The following LARS2 variants were observed in gnomAD, a reference collection of about 807,000 sequenced individuals.
LARS2 encodes leucine--tRNA ligase, mitochondrial.
LARS2 carries 81 observed loss-of-function variants against 116.6 expected under a neutral mutation model. The observed-to-expected ratio is 0.69, with a 90% CI of 0.58 to 0.84. LARS2 has a LOEUF of 0.84. Among genes scored for constraint, LARS2 ranks in the 40% least tolerant of loss-of-function variants. LARS2 has a pLI of 0.00. For synonymous variants in LARS2, 396 were observed against 407.2 expected (o/e 0.97, Z 0.33); for missense variants, 968 against 1,114.5 (o/e 0.87, Z 1.87).
chr3:45,504,817 C>T (rs1311150455), intron 15 of LARS2, among the ~76,000 whole-genome samples: 2 of 151,150 alleles, frequency 1.3e-5, no homozygotes, highest in Non-Finnish European at 3.0e-5. Context: ...TGATGGCTCA[C>T]ACCTGTAATC....
chr3:45,443,683 T>C (rs982971138), intron 6 of LARS2, among the ~76,000 whole-genome samples: 2 of 152,172 alleles, frequency 1.3e-5, no homozygotes, highest in African/African-American at 2.4e-5. Context: ...ACGGAACTTA[T>C]GAGTGCTGTG....
intron 15 of LARS2, among the ~76,000 whole-genome samples, chr3:45,508,385 CCTT>C (rs1700229867): frequency 6.6e-6 from 1 of 152,204 alleles, no homozygotes; most frequent in African/African-American, 2.4e-5. Context: ...AGTAAACCCT[CCTT>C]CTGCGCCACT....
chr3:45,545,038 G>T (rs1700856372), intron 21 of LARS2, among the ~76,000 whole-genome samples: 1 of 152,314 alleles, frequency 6.6e-6, no homozygotes, highest in South Asian at 2.1e-4. Context: ...AGAGAGAGGG[G>T]CTGTGTCAGG....
chr3:45,503,679 AGTT>A (rs1700156109), intron 15 of LARS2, among the ~76,000 whole-genome samples: 1 of 149,680 alleles, frequency 6.7e-6, no homozygotes, highest in Admixed American at 6.6e-5. Flanking sequence ...TTTTTTTTTC[AGTT>A]GTTGTTATGT....
Position 45,524,010 on chromosome 3 carries a change from G to A in LARS2, c.2306G>A (p.Ser769Asn), listed in dbSNP as rs551442373. Residue 769 changes from serine to asparagine, a missense_variant, in exon 20 of 22, where the codon AGC becomes AAC. Physicochemically the swap from Ser to Asn is conservative, Grantham distance 46. Coordinates refer to ENST00000645846, the MANE Select transcript of LARS2 (RefSeq NM_015340.4). ...LSNALSQASQ[S>N]VILHSPEFED... Reference sequence around the variant, plus strand: ...CCTCTTCCTTAGCAAGCCTCTCAGAGCGTCATTCTCCACAGCCCCGAGTTT... The same window carrying A: ...CCTCTTCCTTAGCAAGCCTCTCAGAACGTCATTCTCCACAGCCCCGAGTTT... The A allele has an allele frequency of 3.1e-6, 5 of 1,613,708 alleles. No homozygotes were observed. The highest frequency in any genetic ancestry group is 4.2e-6 in the Non-Finnish European group (5 of 1,179,772).
chr3:45,510,406 C>T (rs12633889), intron 15 of LARS2, among the ~76,000 whole-genome samples: 41,401 of 151,792 alleles, frequency 0.27, 6,183 homozygotes, highest in Middle Eastern at 0.4. Flanking sequence ...AGAACAAGAC[C>T]CTGTCTCAAA....
intron 6 of LARS2, among the ~76,000 whole-genome samples, chr3:45,437,148 A>C (rs1351636317): frequency 6.6e-6 from 1 of 152,226 alleles, no homozygotes; most frequent in Non-Finnish European, 1.5e-5. Flanking sequence ...AAGAGCACTT[A>C]ATTAGAACAT....
chr3:45,438,973 C>T (rs988201977), intron 6 of LARS2, among the ~76,000 whole-genome samples: 1 of 152,094 alleles, frequency 6.6e-6, no homozygotes, highest in Non-Finnish European at 1.5e-5. Flanking sequence ...AGGGCTAATT[C>T]AGACTCAAAG....
intron 6 of LARS2, among the ~76,000 whole-genome samples, chr3:45,439,238 T>G (rs954830972): frequency 2.8e-5 from 3 of 107,394 alleles, no homozygotes; most frequent in Non-Finnish European, 4.0e-5. Flanking sequence ...TTTTTTTTTT[T>G]TGAGACAGTG....
In LARS2 at chr3:45,523,762, C is replaced by A. The variant is rs9857440; in HGVS notation, c.2293-235C>A. On this transcript the variant is annotated intron_variant, in intron 19 of 21. Coordinates refer to ENST00000645846, the MANE Select transcript of LARS2 (RefSeq NM_015340.4). The stretch of plus-strand genomic sequence containing the variant: ...ATAGTGCCCAGGCTGGTCTCAAATT[C>A]TTGGCCTCCCAAAGTAGTGGGAGTA... Among the ~76,000 whole-genome samples, 2,681 of 151,744 alleles carry A rather than the reference C, an allele frequency of 0.018. 66 individuals are homozygous for A. Among genetic ancestry groups the A allele is most frequent in the African/African-American group, 0.058 (2,389 of 41,312 alleles).
In LARS2 at chr3:45,447,108, A is replaced by G. The variant is rs1559472282; in HGVS notation, c.606+128A>G. ...GTCACAGCAGACCCAGAACGTAACT[A>G]CTTCCTACTTAAGTTTAGTGTCATC... On this transcript the variant is annotated intron_variant, in intron 7 of 21. Transcript: ENST00000645846. 19 of 566,982 alleles carry G rather than the reference A, an allele frequency of 3.4e-5. No individual in the cohort carries two copies. The South Asian group carries it at 4.1e-4, about 12-fold the overall frequency. 35.1% of individuals were successfully genotyped at this position (566,982 alleles called of 1,614,324 possible).
chr3:45,455,884 A>C (rs569783366), intron 7 of LARS2, among the ~76,000 whole-genome samples: 2 of 152,274 alleles, frequency 1.3e-5, no homozygotes, highest in East Asian at 3.9e-4. Context: ...TAAATGAAAT[A>C]ATCCAGGCAC....
At chr3:45,545,521 C>T (rs908528036) in intron 21 of LARS2, among the ~76,000 whole-genome samples, 2 of 152,222 alleles carry the variant, frequency 1.3e-5, no homozygotes, top group Non-Finnish European at 2.9e-5. Context: ...ATGCCAGAGA[C>T]AGGGGGAGCA....
intron 12 of LARS2, among the ~76,000 whole-genome samples, chr3:45,490,775 C>T (rs1165510904): frequency 2.6e-5 from 4 of 152,146 alleles, no homozygotes; most frequent in South Asian, 2.1e-4. Context: ...CGAGGGTACC[C>T]GCAATCCAGG....
At chr3:45,480,249 G>A (rs1452676327) in intron 10 of LARS2, among the ~76,000 whole-genome samples, 1 of 152,208 alleles carries the variant, frequency 6.6e-6, no homozygotes, top group Non-Finnish European at 1.5e-5. Context: ...AACCTTTGCT[G>A]TGCTAATGTG....
chr3:45,463,811 T>A (rs1203407650), intron 8 of LARS2, among the ~76,000 whole-genome samples: 3 of 152,038 alleles, frequency 2.0e-5, no homozygotes, highest in Non-Finnish European at 4.4e-5. Flanking sequence ...ACATGAGCTG[T>A]CACATCTCCT....
At chr3:45,486,349 G>A (rs1473757734) in intron 11 of LARS2, among the ~76,000 whole-genome samples, 3 of 152,188 alleles carry the variant, frequency 2.0e-5, no homozygotes, top group Admixed American at 6.5e-5. Context: ...TAAATTGGAT[G>A]TCCTTGGCAG....
At chr3:45,468,874 G>T (rs1175154909) in intron 8 of LARS2, among the ~76,000 whole-genome samples, 1 of 152,152 alleles carries the variant, frequency 6.6e-6, no homozygotes, top group Non-Finnish European at 1.5e-5. Flanking sequence ...TACCTAGAAA[G>T]CACATCCCTC....
intron 6 of LARS2, among the ~76,000 whole-genome samples, chr3:45,432,969 C>A (rs1443997991): frequency 6.6e-6 from 1 of 151,940 alleles, no homozygotes; most frequent in African/African-American, 2.4e-5. Context: ...TGATATTTTA[C>A]TATGAAGCGT....
Sources: allele counts gnomAD v4.1 joint callset (sites outside exome capture counted in the v4.1 genomes callset), GRCh38; gene constraint gnomAD v4.1.1; transcripts MANE v1.5; gene names NCBI Gene and HGNC (gene_info 2026-07-23, HGNC 2026-07-21).